PDE3A: variants seen among roughly 807,000 people sequenced by gnomAD.
PDE3A encodes cGMP-inhibited 3',5'-cyclic phosphodiesterase 3A.
A neutral mutation model predicts 98.3 loss-of-function variants in PDE3A; 43 were observed. The ratio of observed to expected loss-of-function variants is 0.44; its 90% CI spans 0.34 to 0.56. The LOEUF is 0.56. Ranked by LOEUF, PDE3A falls within the 20% of genes least tolerant of loss-of-function variation. The probability of loss-of-function intolerance (pLI) is 0.01; values close to 1 mark genes in which losing one functional copy is unlikely to be tolerated. For synonymous variants in PDE3A, 663 were observed against 567.9 expected, an observed-to-expected ratio of 1.17 and a Z score of -2.38; for missense variants, 1,427 against 1,440.7, an observed-to-expected ratio of 0.99 and a Z score of 0.15.
At position 20,571,048 on chromosome 12, in the gene PDE3A, G is replaced by T. The variant is rs1942792264; in HGVS notation, c.1011+14338G>T. Among the ~76,000 whole-genome samples, 3 of 152,140 alleles carry T rather than the reference G, an allele frequency of 2.0e-5. No individual in the cohort carries two copies. In the South Asian group the frequency reaches 6.2e-4, roughly 32 times the overall value. On this transcript the variant is annotated intron_variant, in intron 2 of 15. Coordinates refer to ENST00000359062, the MANE Select transcript of PDE3A (RefSeq NM_000921.5). Reference sequence around the variant, plus strand: ...AAGTGTTCATGTTATGATAGCATCAGCTTAAATGTGTCAGTATGGATGATG... The same window carrying T: ...AAGTGTTCATGTTATGATAGCATCATCTTAAATGTGTCAGTATGGATGATG...
chr12:20,386,104 T>TATATAAATATATATAA (rs1184630117), intron 1 of PDE3A, among the ~76,000 whole-genome samples: 3 of 75,896 alleles, frequency 4.0e-5, no homozygotes, highest in South Asian at 3.2e-4. Flanking sequence ...TATATAAATA[T>TATATAAATATATATAA]ATATATAAAT....
intron 2 of PDE3A, among the ~76,000 whole-genome samples, chr12:20,612,185 T>G (rs1943874043): frequency 6.6e-6 from 1 of 151,978 alleles, no homozygotes; most frequent in Non-Finnish European, 1.5e-5. Context: ...TTTGCCAATT[T>G]TGTAAATGAA....
At chr12:20,391,773 C>A (rs1899909) in intron 1 of PDE3A, among the ~76,000 whole-genome samples, 42 of 151,746 alleles carry the variant, frequency 2.8e-4, no homozygotes, top group African/African-American at 1.0e-3. Flanking sequence ...ATTTTGTTCT[C>A]CCCTTTTCCC....
chr12:20,410,840 C>G (rs989328708), intron 1 of PDE3A, among the ~76,000 whole-genome samples: 6 of 152,144 alleles, frequency 3.9e-5, no homozygotes, highest in Non-Finnish European at 8.8e-5. Context: ...AACTGGCTCC[C>G]CTCTTCCCCT....
intron 4 of PDE3A, 31 bp from the exon 5 acceptor site, chr12:20,621,265 T>C (rs199904761): frequency 8.2e-7 from 1 of 1,221,510 alleles, no homozygotes; most frequent in African/African-American, 1.5e-5. Flanking sequence ...TGTTTAATTT[T>C]CTTTTAATTC....
At chr12:20,624,561 C>G (rs1432197854) in intron 5 of PDE3A, among the ~76,000 whole-genome samples, 1 of 152,110 alleles carries the variant, frequency 6.6e-6, no homozygotes, top group Non-Finnish European at 1.5e-5. Flanking sequence ...TCCATTCTTG[C>G]CATCAAGTGC....
At chr12:20,381,174 T>A (rs1943656969) in intron 1 of PDE3A, among the ~76,000 whole-genome samples, 1 of 151,840 alleles carries the variant, frequency 6.6e-6, no homozygotes, top group African/African-American at 2.4e-5. Flanking sequence ...TTTAAGTGTT[T>A]TTGGTGGAAC....
rs185938467 is a variant in PDE3A at position 20,372,863 on chromosome 12, A to G, written c.960+2619A>G. Among the ~76,000 whole-genome samples, 703 of 152,228 alleles carry G rather than the reference A, an allele frequency of 4.6e-3. 2 individuals carry two copies. Among genetic ancestry groups the G allele is most frequent in the Non-Finnish European group, 8.2e-3 (555 of 67,988 alleles). On this transcript the variant is annotated intron_variant, in intron 1 of 15. Transcript: ENST00000359062. ...TTGAGAATTTATTTGCACTTTGCTC[A>G]TTGTGAGGCTTACCAGTGAGAGAAT... is the stretch of plus-strand genomic sequence containing the variant.
At chr12:20,475,108 TGGG>T (rs1164439742) in intron 1 of PDE3A, among the ~76,000 whole-genome samples, 1 of 151,578 alleles carries the variant, frequency 6.6e-6, no homozygotes, top group Non-Finnish European at 1.5e-5. Context: ...CACTTAAAGA[TGGG>T]GGAATATTTC....
Position 20,681,719 on chromosome 12 carries a change from CT to C in PDE3A, c.*1457del, listed in dbSNP as rs955399397. ...TGAAGATTGGGTTATTATTGAAAGT[CT>C]TTTTTTTTGTTTGTTTTGTTTTGGT... is the stretch of plus-strand genomic sequence containing the variant. On this transcript the variant is annotated 3_prime_UTR_variant, in exon 16 of 16. Transcript: ENST00000359062. 9 of 150,808 alleles carry C rather than the reference CT, an allele frequency of 6.0e-5. No homozygotes were observed. The highest frequency in any genetic ancestry group is 1.2e-4 in the Non-Finnish European group (8 of 67,636). The allele number at this position is 150,808 out of a possible 1,614,324, so 9.3% of individuals were successfully genotyped here. A position where few individuals can be genotyped will look rare whatever the true frequency, so the allele number is the denominator to read the frequency against.
rs1395736416 is a variant in PDE3A at position 20,666,674 on chromosome 12, A to C, written c.3184+12469A>C. ...TATACCACATTTTCTTTATCCATTC[A>C]TCAGTTGATGGACACTTAGGTTGAT... On this transcript the variant is annotated intron_variant, in intron 15 of 15. Transcript: ENST00000359062. 2.6e-5 allele frequency among the ~76,000 whole-genome samples: 4 copies of C among 152,134 alleles called. No homozygotes were observed. The East Asian group carries it at 7.7e-4, about 29-fold the overall frequency.
intron 1 of PDE3A, among the ~76,000 whole-genome samples, chr12:20,420,752 G>A (rs569195349): frequency 2.6e-5 from 4 of 152,248 alleles, no homozygotes; most frequent in African/African-American, 9.6e-5. Flanking sequence ...AATGCACACC[G>A]GGTTCTCTGA....
chr12:20,604,443 AC>A (rs141731565), intron 2 of PDE3A, among the ~76,000 whole-genome samples: 2,300 of 152,060 alleles, frequency 0.015, 74 homozygotes, highest in African/African-American at 0.052. Context: ...CACATACACA[AC>A]CTTACAAATT....
intron 1 of PDE3A, among the ~76,000 whole-genome samples, chr12:20,409,757 G>A (rs1363732700): frequency 6.6e-6 from 1 of 152,130 alleles, no homozygotes; most frequent in Non-Finnish European, 1.5e-5. Context: ...ATACAAAGGA[G>A]TATTACAAGG....
chr12:20,488,589 A>G (rs77836780), intron 1 of PDE3A, among the ~76,000 whole-genome samples: 2 of 152,220 alleles, frequency 1.3e-5, no homozygotes, highest in South Asian at 2.1e-4. Flanking sequence ...TCCCAGCACT[A>G]TGGGAGGCCG....
chr12:20,598,554 C>T (rs1199826906), intron 2 of PDE3A, among the ~76,000 whole-genome samples: 1 of 152,084 alleles, frequency 6.6e-6, no homozygotes, highest in African/African-American at 2.4e-5. Context: ...AATCACCCGC[C>T]CCCTCAAATG....
At chr12:20,653,871 T>C (rs1413078095) in intron 14 of PDE3A, 76 bp from the exon 15 acceptor site, 4 of 1,485,780 alleles carry the variant, frequency 2.7e-6, no homozygotes, top group Non-Finnish European at 3.7e-6. Flanking sequence ...GTTTGTGCAT[T>C]AATGCCTGGG....
chr12:20,478,428 A>G (rs1442689637), intron 1 of PDE3A, among the ~76,000 whole-genome samples: 2 of 152,196 alleles, frequency 1.3e-5, no homozygotes, highest in Admixed American at 6.5e-5. Flanking sequence ...TATATAATTA[A>G]TAAGTACTGG....
Position 20,656,991 on chromosome 12 carries a change from C to G in PDE3A, c.3184+2786C>G, listed in dbSNP as rs1172604490. On this transcript the variant is annotated intron_variant, in intron 15 of 15. Transcript: ENST00000359062. ...AGTTCACTAAAGCAGGAATGAGAGA[C>G]TTTTTGGGTTCTGTTTGCTCATGCC... is the stretch of plus-strand genomic sequence containing the variant. Among the ~76,000 whole-genome samples the G allele has an allele frequency of 5.9e-5, 9 of 152,284 alleles. No homozygotes were observed. The South Asian group carries it at 1.7e-3, about 28-fold the overall frequency.
Sources: gnomAD v4.1 joint callset for allele counts (sites outside exome capture counted in the v4.1 genomes callset) on GRCh38, gnomAD v4.1.1 for gene constraint, MANE v1.5 for transcripts, NCBI Gene and HGNC (gene_info 2026-07-23, HGNC 2026-07-21) for gene names.